Variants in PTBP2 observed in about 807,000 individuals in gnomAD.
PTBP2 encodes the protein polypyrimidine tract-binding protein 2.
PTBP2 carries 13 observed loss-of-function variants against 61.4 expected under a neutral mutation model. That is an observed-to-expected ratio of 0.21 (90% CI 0.14 to 0.34). The LOEUF is 0.34. Ranked by LOEUF, PTBP2 falls within the 10% of genes least tolerant of loss-of-function variation. The pLI is 1.00. For synonymous variants in PTBP2, 215 were observed against 218.5 expected, an observed-to-expected ratio of 0.98 and a Z score of 0.14; for missense variants, 405 against 642.6, an observed-to-expected ratio of 0.63 and a Z score of 4.00.
At chr1:96,767,513 T>G (rs771340608) in intron 3 of PTBP2, among the ~76,000 whole-genome samples, 3 of 152,134 alleles carry the variant, frequency 2.0e-5, no homozygotes, top group Non-Finnish European at 4.4e-5. Flanking sequence ...GTATTTGTTC[T>G]CGTTATTCAA....
At chr1:96,820,112 G>A (rs920839514) in exon 14 of PTBP2, 2 of 151,920 alleles carry the variant, frequency 1.3e-5, no homozygotes, top group African/African-American at 4.8e-5. Flanking sequence ...TTTCTCATCT[G>A]TAAAATGGAG....
chr1:96,793,788 A>G (rs2101116714), intron 8 of PTBP2, among the ~76,000 whole-genome samples: 1 of 152,294 alleles, frequency 6.6e-6, no homozygotes, highest in Non-Finnish European at 1.5e-5. Context: ...TAATATTTGA[A>G]TGAATGTGTT....
chr1:96,733,239 AT>A (rs1651696103), intron 2 of PTBP2, among the ~76,000 whole-genome samples: 1 of 152,152 alleles, frequency 6.6e-6, no homozygotes, highest in Non-Finnish European at 1.5e-5. Flanking sequence ...TCTGTCTCAC[AT>A]CACATCACTC....
chr1:96,798,525 A>C (rs1290219022), intron 8 of PTBP2, among the ~76,000 whole-genome samples: 2 of 152,198 alleles, frequency 1.3e-5, no homozygotes, highest in Admixed American at 1.3e-4. Flanking sequence ...GTAAGACCAA[A>C]AGAAATCATA....
intron 2 of PTBP2, among the ~76,000 whole-genome samples, chr1:96,725,979 G>A (rs113212739): frequency 2.0e-5 from 3 of 148,304 alleles, no homozygotes; most frequent in Non-Finnish European, 4.5e-5. Flanking sequence ...GGAGGCTGAG[G>A]CAGGAGAATG....
At chr1:96,773,122 TC>T (rs1174311667) in intron 5 of PTBP2, among the ~76,000 whole-genome samples, 4 of 45,070 alleles carry the variant, frequency 8.9e-5, no homozygotes, top group African/African-American at 2.8e-4. Flanking sequence ...AGACTCTATC[TC>T]AAAAAAAAAA....
chr1:96,804,357 GATTTC>G (rs1661306698), intron 8 of PTBP2, among the ~76,000 whole-genome samples: 1 of 152,040 alleles, frequency 6.6e-6, no homozygotes. Flanking sequence ...GTAATTATTT[GATTTC>G]AAGTGTGAGT....
chr1:96,757,298 A>G (rs1655268995), intron 3 of PTBP2, among the ~76,000 whole-genome samples: 1 of 151,976 alleles, frequency 6.6e-6, no homozygotes, highest in African/African-American at 2.4e-5. Flanking sequence ...TAAGCACAAG[A>G]AAGTTGATAT....
At chr1:96,725,253 G>A (rs1320548184) in intron 2 of PTBP2, among the ~76,000 whole-genome samples, 1 of 151,882 alleles carries the variant, frequency 6.6e-6, no homozygotes, top group Non-Finnish European at 1.5e-5. Context: ...GGAAAAAACT[G>A]AGGAGACTTG....
intron 11 of PTBP2, among the ~76,000 whole-genome samples, chr1:96,808,391 T>G (rs1193135556): frequency 3.3e-5 from 5 of 152,158 alleles, no homozygotes; most frequent in Non-Finnish European, 7.4e-5. Context: ...ATCTTCCCCC[T>G]GTGTCCTCAT....
At chr1:96,735,534 G>GGTT (rs1237361811) in intron 2 of PTBP2, among the ~76,000 whole-genome samples, 1 of 152,068 alleles carries the variant, frequency 6.6e-6, no homozygotes, top group Non-Finnish European at 1.5e-5. Flanking sequence ...GGATGAGAAT[G>GGTT]GTTGTTGTTG....
intron 2 of PTBP2, among the ~76,000 whole-genome samples, chr1:96,728,077 ACTC>A (rs1166597680): frequency 6.6e-6 from 1 of 151,622 alleles, no homozygotes; most frequent in Non-Finnish European, 1.5e-5. Flanking sequence ...ATAACCTTGA[ACTC>A]CTGGACACAA....
At chr1:96,796,029 C>G (rs2101127765) in intron 8 of PTBP2, among the ~76,000 whole-genome samples, 1 of 152,170 alleles carries the variant, frequency 6.6e-6, no homozygotes, top group African/African-American at 2.4e-5. Flanking sequence ...AATTTAAGTC[C>G]TAGAATTGAT....
At position 96,806,498 on chromosome 1, in the gene PTBP2, G is replaced by GT. The variant is rs767444781; in HGVS notation, c.1078+49dup. 1.7e-3 allele frequency: 2,688 copies of GT among 1,555,606 alleles called. 5 individuals are homozygous for GT. The highest frequency in any genetic ancestry group is 2.2e-3 in the Non-Finnish European group (2,482 of 1,130,260). On this transcript the variant is annotated intron_variant, in intron 10 of 13. Coordinates refer to ENST00000674951, the MANE Select transcript of PTBP2 (RefSeq NM_021190.4). Reference sequence around the variant, plus strand: ...TACTTTTATTATTGATTTGATTTTTGTTTCACCTTAATTCTTATTTGTAGC... The same window carrying GT: ...TACTTTTATTATTGATTTGATTTTTGTTTTCACCTTAATTCTTATTTGTAGC...
chr1:96,725,669 G>T (rs1051882959), intron 2 of PTBP2, among the ~76,000 whole-genome samples: 8 of 152,010 alleles, frequency 5.3e-5, no homozygotes, highest in Non-Finnish European at 1.2e-4. Flanking sequence ...TAATTTTCTG[G>T]AATAATGGTT....
intron 8 of PTBP2, among the ~76,000 whole-genome samples, chr1:96,796,707 A>G (rs1285896059): frequency 1.3e-5 from 2 of 152,198 alleles, no homozygotes; most frequent in Admixed American, 6.5e-5. Context: ...ATTGTGTAAC[A>G]TTAAAGGAAT....
chr1:96,810,435 C>G lies in PTBP2; in HGVS notation c.1172-2277C>G, dbSNP rs182624988. ...AATTTTGGTATTCTAATTATCATCC[C>G]CCTTCCCCTTTAGATCACTTCAGAT... On this transcript the variant is annotated intron_variant, in intron 11 of 13. Coordinates refer to ENST00000674951, the MANE Select transcript of PTBP2 (RefSeq NM_021190.4). 2.8e-3 allele frequency among the ~76,000 whole-genome samples: 427 copies of G among 152,094 alleles called. 4 individuals carry two copies. Among genetic ancestry groups the G allele is most frequent in the Non-Finnish European group, 4.0e-3 (274 of 67,994 alleles).
chr1:96,743,861 G>GT (rs1441398731), intron 2 of PTBP2, among the ~76,000 whole-genome samples: 2 of 152,054 alleles, frequency 1.3e-5, no homozygotes, highest in African/African-American at 4.8e-5. Flanking sequence ...AGCTTGTATG[G>GT]TGTGTGTGTT....
In PTBP2 at chr1:96,777,706, T is replaced by C; in HGVS notation, c.554T>C (p.Ile185Thr). Residue 185 changes from isoleucine to threonine, a missense_variant, in exon 6 of 14, where the codon ATT becomes ACT. This residue lies in a region of PTBP2 where 342 missense variants were observed against 491.2 expected (regional missense o/e 0.70). Transcript: ENST00000674951. ...PAQSPVLRII[I>T]DNMYYPVTLD... ...CAGAGTCCAGTACTTAGAATAATTA[T>C]TGACAACATGTACTACCCTGTAACA... is the stretch of plus-strand genomic sequence containing the variant. The C allele has an allele frequency of 6.2e-7, 1 of 1,612,522 alleles. No homozygotes were observed. The highest frequency in any genetic ancestry group is 8.5e-7 in the Non-Finnish European group (1 of 1,179,032).
Sources: allele counts gnomAD v4.1 joint callset (sites outside exome capture counted in the v4.1 genomes callset), GRCh38; gene constraint gnomAD v4.1.1; regional missense constraint gnomAD v4.1.1; transcripts MANE v1.5; gene names NCBI Gene and HGNC (gene_info 2026-07-23, HGNC 2026-07-21).